Variants in SH3PXD2A observed in about 807,000 individuals in gnomAD.
SH3PXD2A encodes the protein SH3 and PX domain-containing protein 2A.
A neutral mutation model predicts 115.2 loss-of-function variants in SH3PXD2A; 32 were observed. That is an observed-to-expected ratio of 0.28 (90% CI 0.21 to 0.37). The LOEUF (loss-of-function observed/expected upper bound fraction) is 0.37. Among genes scored for constraint, SH3PXD2A ranks in the 10% least tolerant of loss-of-function variants. SH3PXD2A has a pLI of 1.00. For synonymous variants in SH3PXD2A, 610 were observed against 629.1 expected, an observed-to-expected ratio of 0.97 and a Z score of 0.45; for missense variants, 1,328 against 1,498.7, an observed-to-expected ratio of 0.89 and a Z score of 1.88.
chr10:103,692,936 C>T, intron 6 of SH3PXD2A, 92 bp downstream of exon 6: 1 of 920,858 alleles, frequency 1.1e-6, no homozygotes, highest in Non-Finnish European at 1.7e-6. Context: ...CCCCCCCCTC[C>T]CCGCCCCCAA....
intron 8 of SH3PXD2A, among the ~76,000 whole-genome samples, chr10:103,651,463 T>G (rs1204799752): frequency 6.6e-6 from 1 of 152,224 alleles, no homozygotes; most frequent in African/African-American, 2.4e-5. Flanking sequence ...GCCAGGGAAC[T>G]CATGTGGTGA....
intron 7 of SH3PXD2A, chr10:103,662,093 GTGGT>G: frequency 2.2e-6 from 1 of 451,358 alleles, no homozygotes; most frequent in Non-Finnish European, 2.9e-6. Flanking sequence ...GCCGGGGCTT[GTGGT>G]CAGGCCCCGG....
intron 5 of SH3PXD2A, among the ~76,000 whole-genome samples, chr10:103,702,398 T>C (rs553368525): frequency 6.6e-6 from 1 of 152,276 alleles, no homozygotes; most frequent in South Asian, 2.1e-4. Context: ...GGAAACACTG[T>C]ATAGAAATTT....
intron 5 of SH3PXD2A, among the ~76,000 whole-genome samples, chr10:103,723,125 AG>A (rs1564873289): frequency 6.6e-6 from 1 of 152,114 alleles, no homozygotes; most frequent in Non-Finnish European, 1.5e-5. Context: ...CCTCATCTTC[AG>A]GCTTTCTCCT....
chr10:103,614,760 C>T lies in SH3PXD2A; in HGVS notation c.921-1570G>A, dbSNP rs569832685. Among the ~76,000 whole-genome samples, 25 of 152,216 alleles carry T rather than the reference C, an allele frequency of 1.6e-4. No homozygotes were observed. The South Asian group carries it at 5.0e-3, about 30-fold the overall frequency. ...CACCAGATGTCTGAACACCTCCCCC[C>T]CCGCCCCGCCCACCGTCTTCCTGAT... On this transcript the variant is annotated intron_variant, in intron 11 of 14. Coordinates refer to ENST00000369774, the MANE Select transcript of SH3PXD2A (RefSeq NM_001394015.1).
At chr10:103,836,721 CTT>C (rs1480432015) in intron 1 of SH3PXD2A, among the ~76,000 whole-genome samples, 1 of 145,032 alleles carries the variant, frequency 6.9e-6, no homozygotes, top group African/African-American at 2.5e-5. Flanking sequence ...TCTTTTCTCC[CTT>C]TGTTTTCTTA....
At chr10:103,660,428 T>C (rs924735848) in intron 8 of SH3PXD2A, among the ~76,000 whole-genome samples, 3 of 152,132 alleles carry the variant, frequency 2.0e-5, no homozygotes, top group Non-Finnish European at 2.9e-5. Context: ...TCCCCCTCAC[T>C]GCGCTTGCTT....
chr10:103,848,727 T>C (rs908538829), intron 1 of SH3PXD2A, among the ~76,000 whole-genome samples: 9 of 152,074 alleles, frequency 5.9e-5, no homozygotes, highest in East Asian at 1.9e-4. Context: ...CACCTCAAGG[T>C]CCATCATGAA....
intron 6 of SH3PXD2A, among the ~76,000 whole-genome samples, chr10:103,688,734 G>A (rs942156667): frequency 3.3e-5 from 5 of 152,204 alleles, no homozygotes; most frequent in African/African-American, 1.2e-4. Context: ...GCAGCCAGGG[G>A]CCAAGTCACA....
intron 1 of SH3PXD2A, among the ~76,000 whole-genome samples, chr10:103,805,331 T>C (rs2039191192): frequency 6.6e-6 from 1 of 152,152 alleles, no homozygotes; most frequent in African/African-American, 2.4e-5. Flanking sequence ...GTTAGCCACA[T>C]GTGGGTGCAG....
At chr10:103,682,622 T>A (rs1465393420) in intron 6 of SH3PXD2A, among the ~76,000 whole-genome samples, 1 of 152,062 alleles carries the variant, frequency 6.6e-6, no homozygotes, top group African/African-American at 2.4e-5. Context: ...CCAGGCATGG[T>A]GGCATGCATC....
intron 11 of SH3PXD2A, among the ~76,000 whole-genome samples, chr10:103,614,664 C>A (rs1012205830): frequency 3.3e-5 from 5 of 152,172 alleles, no homozygotes; most frequent in African/African-American, 1.2e-4. Flanking sequence ...CTGGCCAGTG[C>A]CCCCAAGTCT....
At chr10:103,686,148 G>C (rs951270832) in intron 6 of SH3PXD2A, among the ~76,000 whole-genome samples, 3 of 152,196 alleles carry the variant, frequency 2.0e-5, no homozygotes, top group African/African-American at 7.2e-5. Flanking sequence ...TTTCCAAGGA[G>C]AAGAATAAAG....
At chr10:103,773,764 G>T (rs1306162740) in intron 2 of SH3PXD2A, among the ~76,000 whole-genome samples, 3 of 151,968 alleles carry the variant, frequency 2.0e-5, no homozygotes, top group Admixed American at 6.5e-5. Flanking sequence ...TTGAGACAGG[G>T]TCGAGCTTTT....
chr10:103,821,959 AGT>A (rs2039385536), intron 1 of SH3PXD2A, among the ~76,000 whole-genome samples: 1 of 151,236 alleles, frequency 6.6e-6, no homozygotes, highest in Non-Finnish European at 1.5e-5. Flanking sequence ...GCTGGAGTGC[AGT>A]GGCACGATCT....
intron 2 of SH3PXD2A, among the ~76,000 whole-genome samples, chr10:103,776,293 T>G (rs1411282831): frequency 1.3e-5 from 2 of 149,488 alleles, no homozygotes; most frequent in African/African-American, 5.0e-5. Flanking sequence ...CTTGGGACAC[T>G]GGGGAGGGAG....
chr10:103,683,465 C>T (rs1331897009), intron 6 of SH3PXD2A, among the ~76,000 whole-genome samples: 2 of 152,260 alleles, frequency 1.3e-5, no homozygotes, highest in South Asian at 2.1e-4. Context: ...GATTGGGCTA[C>T]TGCACTCTAG....
chr10:103,674,625 G>A (rs994572785), intron 6 of SH3PXD2A, among the ~76,000 whole-genome samples: 2 of 152,170 alleles, frequency 1.3e-5, no homozygotes, highest in Admixed American at 1.3e-4. Flanking sequence ...TTTGAGACCA[G>A]CCTGGCCAAC....
chr10:103,801,570 C>CACACACACACA (rs3221859), intron 1 of SH3PXD2A, among the ~76,000 whole-genome samples: 1 of 150,848 alleles, frequency 6.6e-6, no homozygotes, highest in South Asian at 2.1e-4. Context: ...CACACACATA[C>CACACACACACA]CCCTAGAGGG....
Sources: gnomAD v4.1 joint callset for allele counts (sites outside exome capture counted in the v4.1 genomes callset) on GRCh38, gnomAD v4.1.1 for gene constraint, MANE v1.5 for transcripts, NCBI Gene and HGNC (gene_info 2026-07-23, HGNC 2026-07-21) for gene names.